Variants in EPM2A observed in about 807,000 individuals in gnomAD.
The protein encoded by EPM2A is EPM2A glucan phosphatase, laforin.
EPM2A carries 21 observed loss-of-function variants against 26.5 expected under a neutral mutation model. That is an observed-to-expected ratio of 0.79 (90% CI 0.56 to 1.14). The LOEUF is 1.14. Ranked by LOEUF, EPM2A falls within the 50% of genes most tolerant of loss-of-function variation. The pLI, the probability that EPM2A is intolerant of heterozygous loss-of-function variation, is 0.00. For missense variants in EPM2A, 458 were observed against 440.8 expected (o/e 1.04, Z -0.35); for synonymous variants, 217 against 177.6 (o/e 1.22, Z -1.76).
intron 4 of EPM2A, among the ~76,000 whole-genome samples, chr6:145,411,026 A>G (rs1053276972): frequency 6.6e-6 from 1 of 152,210 alleles, no homozygotes; most frequent in Non-Finnish European, 1.5e-5. Context: ...GAGATATGAG[A>G]TAAAAGAAGC....
At chr6:145,572,551 T>C (rs889395386) in intron 2 of EPM2A, among the ~76,000 whole-genome samples, 17 of 152,312 alleles carry the variant, frequency 1.1e-4, no homozygotes, top group Non-Finnish European at 7.4e-5. Context: ...ATGACCCATA[T>C]GCAAATGTTC....
chr6:145,517,662 C>T (rs1334995529), intron 2 of EPM2A, among the ~76,000 whole-genome samples: 2 of 152,160 alleles, frequency 1.3e-5, no homozygotes, highest in African/African-American at 2.4e-5. Context: ...TAGGCAATAT[C>T]TTTAATATGC....
chr6:145,552,288 T>G lies in EPM2A; in HGVS notation c.341-49713A>C, dbSNP rs556031495. Among the ~76,000 whole-genome samples the G allele has an allele frequency of 1.5e-3, 224 of 152,108 alleles. 1 individual carries two copies. The highest frequency in any genetic ancestry group is 5.2e-3 in the African/African-American group (214 of 41,542). ...GTAGAATAAATGAAAATAAATTATA[T>G]TTTAGACACATAATAGTGAGATTGC... On this transcript the variant is annotated intron_variant, in intron 2 of 3. Coordinates refer to the EPM2A transcript ENST00000450221.
chr6:145,514,261 C>T (rs942650180), intron 2 of EPM2A, among the ~76,000 whole-genome samples: 3 of 152,114 alleles, frequency 2.0e-5, no homozygotes, highest in Non-Finnish European at 2.9e-5. Context: ...AACTGCCCCA[C>T]GACTCCATAT....
chr6:145,735,179 A>T lies in EPM2A; in HGVS notation c.301+19T>A, dbSNP rs1358204240. 2 of 1,478,826 alleles carry T rather than the reference A, an allele frequency of 1.4e-6. No individual in the cohort carries two copies. Among genetic ancestry groups the T allele is most frequent in the Non-Finnish European group, 1.8e-6 (2 of 1,106,850 alleles). The allele number at this position is 1,478,826 out of a possible 1,614,324, so 91.6% of individuals were successfully genotyped here. On this transcript the variant is annotated intron_variant, in intron 1 of 3. Coordinates refer to ENST00000367519, the MANE Select transcript of EPM2A (RefSeq NM_005670.4). ...GGAGCTCCCGCTCTGCGCCGGGGGC[A>T]GGCGTCTGCTGGCAATACCTTCCCA...
chr6:145,488,690 T>TA lies in EPM2A; in HGVS notation c.555+13831dup, dbSNP rs538798614. On this transcript the variant is annotated intron_variant, in intron 4 of 4. Transcript: ENST00000638717. ...TAAGGATTGGGGGAAAAGATTCCAT[T>TA]AAAAAAAAGCCTGATAATTATATAC... Among the ~76,000 whole-genome samples, 1,208 of 151,880 alleles carry TA rather than the reference T, an allele frequency of 8.0e-3. 12 individuals are homozygous for TA. The highest frequency in any genetic ancestry group is 0.027 in the African/African-American group (1,127 of 41,438).
At chr6:145,463,371 T>C (rs1434519380) in intron 4 of EPM2A, 1 of 152,046 alleles carries the variant, frequency 6.6e-6, no homozygotes, top group East Asian at 1.9e-4. Context: ...ACCTTTGTAA[T>C]CACAATATCT....
intron 4 of EPM2A, among the ~76,000 whole-genome samples, chr6:145,389,260 G>A (rs1778306162): frequency 6.6e-6 from 1 of 150,894 alleles, no homozygotes; most frequent in Non-Finnish European, 1.5e-5. Context: ...TGGCACATCG[G>A]CTCACTGCAA....
intron 4 of EPM2A, among the ~76,000 whole-genome samples, chr6:145,477,605 G>A (rs578103265): frequency 6.6e-6 from 1 of 151,916 alleles, no homozygotes; most frequent in East Asian, 1.9e-4. Context: ...ACTTACCTCT[G>A]GGATGCAAGC....
chr6:145,643,123 C>T (rs184452294), intron 2 of EPM2A, among the ~76,000 whole-genome samples: 2 of 152,236 alleles, frequency 1.3e-5, no homozygotes, highest in East Asian at 3.9e-4. Flanking sequence ...ACAGAACTTG[C>T]ACATTAATTG....
chr6:145,722,188 C>A (rs1156750987), intron 1 of EPM2A, among the ~76,000 whole-genome samples: 1 of 152,080 alleles, frequency 6.6e-6, no homozygotes, highest in African/African-American at 2.4e-5. Flanking sequence ...TTGGTTTAAT[C>A]CAAGAGTAAA....
At chr6:145,506,166 A>C (rs1314563447) in intron 2 of EPM2A, among the ~76,000 whole-genome samples, 1 of 152,232 alleles carries the variant, frequency 6.6e-6, no homozygotes, top group Non-Finnish European at 1.5e-5. Context: ...TGGTTTAGGG[A>C]GCATAGTTGA....
At chr6:145,524,958 T>A (rs1293370776) in intron 2 of EPM2A, among the ~76,000 whole-genome samples, 2 of 152,126 alleles carry the variant, frequency 1.3e-5, no homozygotes, top group East Asian at 3.8e-4. Flanking sequence ...TGGTGAAAGT[T>A]AAGGGTCTAG....
intron 2 of EPM2A, among the ~76,000 whole-genome samples, chr6:145,563,390 T>A (rs1317392608): frequency 6.6e-6 from 1 of 151,530 alleles, no homozygotes; most frequent in East Asian, 2.0e-4. Flanking sequence ...AAGCCCACGG[T>A]GGTGAAAGTC....
intron 2 of EPM2A, among the ~76,000 whole-genome samples, chr6:145,663,160 T>C (rs1778857952): frequency 6.6e-6 from 1 of 152,226 alleles, no homozygotes; most frequent in Non-Finnish European, 1.5e-5. Context: ...ATCAAGTGCC[T>C]ATTCCTAATG....
At chr6:145,501,092 T>TGGAGA (rs752920319), downstream of EPM2A, among the ~76,000 whole-genome samples, 14 of 152,098 alleles carry the variant, frequency 9.2e-5, no homozygotes, top group East Asian at 5.8e-4. Context: ...CCAGACACTG[T>TGGAGA]GGAGAGGAGA....
At chr6:145,702,818 C>T (rs977817692) in intron 1 of EPM2A, among the ~76,000 whole-genome samples, 2 of 152,220 alleles carry the variant, frequency 1.3e-5, no homozygotes, top group South Asian at 2.1e-4. Flanking sequence ...ACATAGTTTA[C>T]AATTTCTGCC....
intron 2 of EPM2A, chr6:145,637,105 C>A (rs1043030948): frequency 6.6e-6 from 1 of 152,126 alleles, no homozygotes; most frequent in Non-Finnish European, 1.5e-5. Context: ...CTGAATTGGA[C>A]TGAAACCGTG....
chr6:145,544,101 G>C (rs559682734), intron 2 of EPM2A, among the ~76,000 whole-genome samples: 1 of 152,190 alleles, frequency 6.6e-6, no homozygotes, highest in Non-Finnish European at 1.5e-5. Flanking sequence ...CTAGAGTTAA[G>C]TCTGGCAGAG....
Sources: gnomAD v4.1 joint callset for allele counts (sites outside exome capture counted in the v4.1 genomes callset) on GRCh38, gnomAD v4.1.1 for gene constraint, MANE v1.5 for transcripts, NCBI Gene and HGNC (gene_info 2026-07-23, HGNC 2026-07-21) for gene names.